The following MAPK8IP3 variants were observed in gnomAD, a reference collection of about 807,000 sequenced individuals.
MAPK8IP3 encodes mitogen-activated protein kinase 8 interacting protein 3.
MAPK8IP3 carries 49 observed loss-of-function variants against 157.8 expected under a neutral mutation model. That is an observed-to-expected ratio of 0.31 (90% CI 0.25 to 0.39). MAPK8IP3 has a LOEUF of 0.39. MAPK8IP3 is among the 10% of genes least tolerant of loss of function. The pLI, the probability that MAPK8IP3 is intolerant of heterozygous loss-of-function variation, is 1.00. For missense variants in MAPK8IP3, 1,478 were observed against 1,889.4 expected (o/e 0.78, Z 4.04); for synonymous variants, 897 against 777.7 (o/e 1.15, Z -2.55).
Position 1,742,749 on chromosome 16 carries a change from G to A in MAPK8IP3, c.603-583G>A, listed in dbSNP as rs908202680. On this transcript the variant is annotated intron_variant, in intron 4 of 31. Transcript: ENST00000610761. This position sits in a 1 kb window ranked among gnomAD's most constrained non-coding sequence, Gnocchi z 5.0. ...AAAAGGCATTGCTCATGGTGGCCGT[G>A]CAGCGCTGACCGTGATGCCAAGTCC... Among the ~76,000 whole-genome samples, 1 of 152,174 alleles carries A rather than the reference G, an allele frequency of 6.6e-6. No homozygotes were observed. Among genetic ancestry groups the A allele is most frequent in the Admixed American group, 6.5e-5 (1 of 15,276 alleles).
chr16:1,741,367 C>A lies in MAPK8IP3; in HGVS notation c.603-1965C>A, dbSNP rs1354022683. Among the ~76,000 whole-genome samples the A allele has an allele frequency of 1.3e-5, 2 of 152,098 alleles. No homozygotes were observed. Among genetic ancestry groups the A allele is most frequent in the Non-Finnish European group, 2.9e-5 (2 of 67,984 alleles). On this transcript the variant is annotated intron_variant, in intron 4 of 31. Coordinates refer to ENST00000610761, the MANE Select transcript of MAPK8IP3 (RefSeq NM_001318852.2). The surrounding 1 kb of genome is among the most constrained non-coding windows in gnomAD (Gnocchi z 6.9). ...GGAAAGAGTGAAGGCAGCTCCTGAT[C>A]CTGGGTGATTTCTGTCGGAGGTGGT... is the stretch of plus-strand genomic sequence containing the variant.
chr16:1,746,338 T>G (rs1298911251), intron 5 of MAPK8IP3: 1 of 152,250 alleles, frequency 6.6e-6, no homozygotes, highest in African/African-American at 2.4e-5. Context: ...CTAGCGAGCT[T>G]CCTGAGGTAG....
At chr16:1,763,844 GC>G in intron 17 of MAPK8IP3, 61 bp downstream of exon 17, 1 of 1,237,876 alleles carries the variant, frequency 8.1e-7, no homozygotes, top group East Asian at 2.9e-5. Flanking sequence ...GGGGTAAGGG[GC>G]GGGGCGCTGT....
intron 4 of MAPK8IP3, among the ~76,000 whole-genome samples, chr16:1,736,713 AGCGTGT>A (rs2039896064): frequency 2.2e-5 from 1 of 44,596 alleles, no homozygotes. Context: ...CGTCCGTGTG[AGCGTGT>A]GACCGTCCGT....
At position 1,744,535 on chromosome 16, in the gene MAPK8IP3, CT is replaced by C; in HGVS notation, c.747+1060del. 4 of 985,564 alleles carry C rather than the reference CT, an allele frequency of 4.1e-6. No individual in the cohort carries two copies. In the South Asian group the frequency reaches 1.9e-4, roughly 46 times the overall value. The allele number at this position is 985,564 out of a possible 1,614,324, so 61.1% of individuals were successfully genotyped here. The stretch of plus-strand genomic sequence containing the variant: ...CAGGGCTGGAGAGAGGGTGGCGGGG[CT>C]GCGGGCTCCCCGGGCCTTCTGGGCC... On this transcript the variant is annotated intron_variant, in intron 5 of 31. Coordinates refer to ENST00000610761, the MANE Select transcript of MAPK8IP3 (RefSeq NM_001318852.2).
Position 1,735,689 on chromosome 16 carries a change from GTC to G in MAPK8IP3, c.602+6113_602+6114del, listed in dbSNP as rs529061324. ...CATCCGTGTGACCGTCCGTGTGAGCGTCTGTGTGCCTGTCCGTGTGAGCATCC... is the reference window on the plus strand; with the variant it reads ...CATCCGTGTGACCGTCCGTGTGAGCGTGTGTGCCTGTCCGTGTGAGCATCC... On this transcript the variant is annotated intron_variant, in intron 4 of 31. Transcript: ENST00000610761. 1.2e-3 allele frequency among the ~76,000 whole-genome samples: 155 copies of G among 125,710 alleles called. 3 individuals are homozygous for G. The highest frequency in any genetic ancestry group is 5.3e-3 in the Middle Eastern group (1 of 188). 82.5% of individuals were successfully genotyped at this position (125,710 alleles called of 152,430 possible).
rs746601157 is a variant in MAPK8IP3 at position 1,748,653 on chromosome 16, G to A, written c.1149G>A (p.Leu383=). The A allele has an allele frequency of 3.7e-6, 6 of 1,614,196 alleles. No homozygotes were observed. Among genetic ancestry groups the A allele is most frequent in the Non-Finnish European group, 5.1e-6 (6 of 1,180,046 alleles). Residue 383 remains leucine (L), a synonymous_variant, in exon 8 of 32, where the codon CTG becomes CTA. Coordinates refer to ENST00000610761, the MANE Select transcript of MAPK8IP3 (RefSeq NM_001318852.2). The part of the protein sequence containing the change: ...NKAFGINTDS[L]YHELSTAGSE... Reference sequence around the variant, plus strand: ...CTTTCGGCATCAACACCGACTCCCTGTACCATGAGCTGTCGACGGCAGGGT... The same window carrying A: ...CTTTCGGCATCAACACCGACTCCCTATACCATGAGCTGTCGACGGCAGGGT...
intron 30 of MAPK8IP3, 32 bp downstream of exon 30, chr16:1,768,410 C>G: frequency 1.9e-6 from 3 of 1,598,138 alleles, no homozygotes; most frequent in Non-Finnish European, 2.5e-6. Flanking sequence ...CATCCACATC[C>G]CCTGCATGCC....
chr16:1,745,021 C>T (rs967534029), intron 5 of MAPK8IP3: 7 of 985,110 alleles, frequency 7.1e-6, no homozygotes, highest in East Asian at 1.1e-4. Flanking sequence ...GAGGAATGAC[C>T]GCTAAGAGTT....
chr16:1,706,936 A>G lies in MAPK8IP3; in HGVS notation c.318+279A>G, dbSNP rs1463711229. Among the ~76,000 whole-genome samples, 1 of 76,102 alleles carries G rather than the reference A, an allele frequency of 1.3e-5. No individual in the cohort carries two copies. Among genetic ancestry groups the G allele is most frequent in the Non-Finnish European group, 2.6e-5 (1 of 38,874 alleles). 49.9% of individuals were successfully genotyped at this position (76,102 alleles called of 152,430 possible). A position where few individuals can be genotyped will look rare whatever the true frequency, so the allele number is the denominator to read the frequency against. On this transcript the variant is annotated intron_variant, in intron 1 of 31. Coordinates refer to ENST00000610761, the MANE Select transcript of MAPK8IP3 (RefSeq NM_001318852.2). The surrounding 1 kb of genome is among the most constrained non-coding windows in gnomAD (Gnocchi z 5.1). ...CTCCCGGGGACCCCCTTTTCCGCCC[A>G]GGCCTGGGCCCTGGCCCCCTCCTCC...
rs1362878304 is a variant in MAPK8IP3 at position 1,763,665 on chromosome 16, C to T, written c.1907C>T (p.Thr636Met). 3 of 1,570,798 alleles carry T rather than the reference C, an allele frequency of 1.9e-6. No homozygotes were observed. Among genetic ancestry groups the T allele is most frequent in the East Asian group, 2.3e-5 (1 of 42,672 alleles). ...ATCATTCTTCCACTCAGCGACTGCA[C>T]GTCCTCCGCCCGTCGAGAGCAGAAG... ...PLEFFPDDDCTSSARREQKRE... is the reference protein window; with the variant it reads ...PLEFFPDDDCMSSARREQKRE... The change falls in exon 17 of 32, where the codon ACG becomes ATG. Residue 636 changes from threonine to methionine, a missense_variant. Thr to Met is a moderately conservative substitution (Grantham distance 81). Coordinates refer to ENST00000610761, the MANE Select transcript of MAPK8IP3 (RefSeq NM_001318852.2).
chr16:1,736,784 G>A lies in MAPK8IP3; in HGVS notation c.603-6548G>A, dbSNP rs574998508. On this transcript the variant is annotated intron_variant, in intron 4 of 31. Transcript: ENST00000610761. ...CGTGTGACCGTCTGTGTGACCATCC[G>A]TGTGTGACCGTCCGTGTGAGCGTGT... 5.6e-5 allele frequency among the ~76,000 whole-genome samples: 4 copies of A among 70,912 alleles called. No individual in the cohort carries two copies. The Admixed American group carries it at 5.7e-4, about 10-fold the overall frequency. 46.5% of individuals were successfully genotyped at this position (70,912 alleles called of 152,430 possible).
intron 9 of MAPK8IP3, 22 bp downstream of exon 9, chr16:1,758,181 C>A (rs772247451): frequency 6.2e-7 from 1 of 1,613,296 alleles, no homozygotes; most frequent in African/African-American, 1.3e-5. Flanking sequence ...ACTCTCCTGT[C>A]TGTCTCCCCT....
intron 1 of MAPK8IP3, chr16:1,707,136 C>T (rs1015762737): frequency 3.1e-5 from 5 of 160,894 alleles, no homozygotes; most frequent in Admixed American, 1.9e-4. Flanking sequence ...CAAGTGCTAC[C>T]TCTGTTGGCT....
In MAPK8IP3 at chr16:1,724,733, C is replaced by T; in HGVS notation, c.439+56C>T. ...CTTGATGGGCGCTGCTCTGGGACGGCTCTGGTTGGGGTGGGCATGGAGCGC... is the reference window on the plus strand; with the variant it reads ...CTTGATGGGCGCTGCTCTGGGACGGTTCTGGTTGGGGTGGGCATGGAGCGC... On this transcript the variant is annotated intron_variant, in intron 2 of 31. Coordinates refer to ENST00000610761, the MANE Select transcript of MAPK8IP3 (RefSeq NM_001318852.2). This position sits in a 1 kb window ranked among gnomAD's most constrained non-coding sequence, Gnocchi z 4.1. 1 of 1,583,862 alleles carries T rather than the reference C, an allele frequency of 6.3e-7. No homozygotes were observed. Among genetic ancestry groups the T allele is most frequent in the South Asian group, 1.1e-5 (1 of 90,116 alleles).
intron 20 of MAPK8IP3, 88 bp from the exon 21 acceptor site, chr16:1,765,872 G>A (rs1304595740): frequency 1.0e-5 from 13 of 1,265,234 alleles, no homozygotes; most frequent in African/African-American, 2.9e-5. Context: ...GGCCAGCCCC[G>A]GCTTCCTCTG....
chr16:1,747,145 C>G lies in MAPK8IP3; in HGVS notation c.864C>G (p.Pro288=), dbSNP rs2041015203. 6.2e-7 allele frequency: 1 copy of G among 1,614,066 alleles called. No individual in the cohort carries two copies. The highest frequency in any genetic ancestry group is 8.5e-7 in the Non-Finnish European group (1 of 1,180,016). Residue 288 remains proline, a synonymous_variant, in exon 6 of 32, where the codon CCC becomes CCG. Transcript: ENST00000610761. The part of the protein sequence containing the change: ...TSSVPSAAVT[P]LNESLQPLGD... ...CCGTGCCCTCGGCCGCCGTCACACC[C>G]CTCAACGAGAGCCTGCAGCCCCTGG...
intron 13 of MAPK8IP3, among the ~76,000 whole-genome samples, chr16:1,761,986 G>A (rs1412578540): frequency 6.6e-6 from 1 of 152,108 alleles, no homozygotes; most frequent in East Asian, 1.9e-4. Flanking sequence ...GGGCCCAGGC[G>A]GGCTCCTGGG....
intron 9 of MAPK8IP3, 48 bp from the exon 10 acceptor site, chr16:1,758,930 C>T (rs2041775300): frequency 2.5e-6 from 4 of 1,609,158 alleles, no homozygotes; most frequent in African/African-American, 2.7e-5. Context: ...TCTCCCTCTC[C>T]TCCCGCCCTG....
Sources: allele counts gnomAD v4.1 joint callset (sites outside exome capture counted in the v4.1 genomes callset), GRCh38; gene constraint gnomAD v4.1.1; non-coding constraint Gnocchi (gnomAD v3.1); transcripts MANE v1.5; gene names NCBI Gene and HGNC (gene_info 2026-07-23, HGNC 2026-07-21).